RANBP17: variants seen among roughly 807,000 people sequenced by gnomAD.
RANBP17 encodes the protein ran-binding protein 17.
In RANBP17, 158 loss-of-function variants were observed where a neutral mutation model predicts 141.2. The observed-to-expected ratio is 1.12, with a 90% confidence interval of 0.98 to 1.28. The LOEUF (loss-of-function observed/expected upper bound fraction) is 1.28. Among genes scored for constraint, RANBP17 ranks in the 50% most tolerant of loss-of-function variants. The pLI is 0.00. For synonymous variants in RANBP17, 430 were observed against 450.0 expected, an observed-to-expected ratio of 0.96 and a Z score of 0.56; for missense variants, 1,438 against 1,290.7, an observed-to-expected ratio of 1.11 and a Z score of -1.75.
chr5:170,911,062 T>A lies in RANBP17; in HGVS notation c.688T>A (p.Phe230Ile). ...KLVLNCLNFDFIGSSADESAD... is the reference protein window; with the variant it reads ...KLVLNCLNFDIIGSSADESAD... ...GGTCCTTAACTGCCTTAACTTTGAC[T>A]TCATTGGCAGTTCAGCAGATGAATC... Residue 230 changes from phenylalanine to isoleucine, a missense_variant, in exon 7 of 28, where the codon TTC (phenylalanine) becomes ATC (isoleucine). By Grantham distance (21) the Phe-to-Ile change is conservative. Transcript: ENST00000523189. The A allele has an allele frequency of 6.2e-7, 1 of 1,612,120 alleles. No individual in the cohort carries two copies. The highest frequency in any genetic ancestry group is 8.5e-7 in the Non-Finnish European group (1 of 1,178,672).
chr5:171,240,991 G>C lies in RANBP17; in HGVS notation c.2486G>C (p.Gly829Ala), dbSNP rs754249105. 7.4e-6 allele frequency: 12 copies of C among 1,613,820 alleles called. No individual in the cohort carries two copies. Among genetic ancestry groups the C allele is most frequent in the Non-Finnish European group, 1.7e-6 (2 of 1,179,896 alleles). ...CAGATTTATCCAATGAAACTCAAGGGCATCTCCATCTGCTATTCAGCTCTC... is the reference window on the plus strand; with the variant it reads ...CAGATTTATCCAATGAAACTCAAGGCCATCTCCATCTGCTATTCAGCTCTC... ...KDQIYPMKLK[G>A]ISICYSALKS... The change falls in exon 23 of 28, where the codon GGC becomes GCC. Residue 829 changes from glycine to alanine, a missense_variant. By Grantham distance (60) the Gly-to-Ala change is moderately conservative. Transcript: ENST00000523189.
At chr5:171,283,602 C>G (rs1184920203) in intron 25 of RANBP17, among the ~76,000 whole-genome samples, 1 of 152,172 alleles carries the variant, frequency 6.6e-6, no homozygotes, top group Non-Finnish European at 1.5e-5. Context: ...TCTGAAGGGT[C>G]CCATGAATTG....
chr5:170,924,524 T>A lies in RANBP17; in HGVS notation c.1442T>A (p.Val481Glu), dbSNP rs377685670. Reference sequence around the variant, plus strand: ...AAACTTCTGCATCCATATTCTGGTGTAACTGTGGACATCACCATTCAGGAA... The same window carrying A: ...AAACTTCTGCATCCATATTCTGGTGAAACTGTGGACATCACCATTCAGGAA... Reference protein sequence around the residue: ...YQKLLHPYSGVTVDITIQEGR... With the variant: ...YQKLLHPYSGETVDITIQEGR... Residue 481 changes from valine to glutamate, a missense_variant, in exon 12 of 28, where the codon GTA becomes GAA. Transcript: ENST00000523189. The A allele has an allele frequency of 6.2e-7, 1 of 1,607,070 alleles. No homozygotes were observed. The highest frequency in any genetic ancestry group is 1.3e-5 in the African/African-American group (1 of 74,856).
intron 12 of RANBP17, among the ~76,000 whole-genome samples, chr5:170,937,975 A>G (rs1413047440): frequency 6.6e-6 from 1 of 152,138 alleles, no homozygotes; most frequent in Non-Finnish European, 1.5e-5. Flanking sequence ...CTGGGCTTAC[A>G]GTAAGTACGT....
chr5:171,050,535 C>T (rs1040008513), intron 14 of RANBP17, among the ~76,000 whole-genome samples: 3 of 152,038 alleles, frequency 2.0e-5, no homozygotes, highest in South Asian at 4.1e-4. Flanking sequence ...AGCAAAGCCC[C>T]GTCTCTACAA....
chr5:171,298,716 G>A, intron 27 of RANBP17, 46 bp from the exon 28 acceptor site: 3 of 1,475,912 alleles, frequency 2.0e-6, no homozygotes, highest in Non-Finnish European at 2.8e-6. Context: ...ATTCATGGAG[G>A]CTTTGCCTCA....
At chr5:171,134,418 A>G (rs1359351066) in intron 14 of RANBP17, among the ~76,000 whole-genome samples, 2 of 152,214 alleles carry the variant, frequency 1.3e-5, no homozygotes, top group Non-Finnish European at 2.9e-5. Context: ...AAATAATCAG[A>G]TTATATATGA....
chr5:171,118,434 A>G (rs897621247), intron 14 of RANBP17, among the ~76,000 whole-genome samples: 1 of 152,022 alleles, frequency 6.6e-6, no homozygotes, highest in African/African-American at 2.4e-5. Context: ...TTCTGTGAAG[A>G]ATGTCATTGG....
chr5:171,229,625 C>T (rs1764085896), intron 22 of RANBP17, among the ~76,000 whole-genome samples: 1 of 151,292 alleles, frequency 6.6e-6, no homozygotes, highest in Non-Finnish European at 1.5e-5. Context: ...AAACTCCTGA[C>T]CTCAAGTGAT....
intron 5 of RANBP17, chr5:170,904,342 C>CTATTTCACAGAAGCTGTGTTGT (rs1770903490): frequency 4.6e-6 from 1 of 219,748 alleles, no homozygotes; most frequent in East Asian, 1.2e-4. Flanking sequence ...TGGAAGAAAG[C>CTATTTCACAGAAGCTGTGTTGT]TATTTCACAG....
chr5:171,157,700 AG>A (rs1436211555), intron 14 of RANBP17, among the ~76,000 whole-genome samples: 11 of 152,210 alleles, frequency 7.2e-5, no homozygotes, highest in South Asian at 4.1e-4. Flanking sequence ...TTAACATTTG[AG>A]GGTTGAGCTA....
At chr5:170,915,046 G>A (rs921467) in intron 8 of RANBP17, among the ~76,000 whole-genome samples, 1 of 151,810 alleles carries the variant, frequency 6.6e-6, no homozygotes, top group Non-Finnish European at 1.5e-5. Flanking sequence ...AGAGTTTAAG[G>A]TAGTGCTTTT....
At chr5:171,247,344 C>T (rs1044653833) in intron 24 of RANBP17, among the ~76,000 whole-genome samples, 1 of 152,170 alleles carries the variant, frequency 6.6e-6, no homozygotes, top group Non-Finnish European at 1.5e-5. Flanking sequence ...AATTTGGGCC[C>T]TGTGTCATCA....
intron 13 of RANBP17, among the ~76,000 whole-genome samples, chr5:170,967,522 G>A (rs892225182): frequency 1.3e-5 from 2 of 151,366 alleles, no homozygotes; most frequent in Admixed American, 1.3e-4. Context: ...GATTTTTTTT[G>A]AGGTTCTGCA....
chr5:170,937,921 A>G (rs1292644198), intron 12 of RANBP17, among the ~76,000 whole-genome samples: 1 of 152,228 alleles, frequency 6.6e-6, no homozygotes, highest in Non-Finnish European at 1.5e-5. Flanking sequence ...AGTGTGGTCA[A>G]CTACATCCTC....
At chr5:171,274,566 T>C (rs1194590991) in intron 25 of RANBP17, among the ~76,000 whole-genome samples, 1 of 152,180 alleles carries the variant, frequency 6.6e-6, no homozygotes, top group East Asian at 1.9e-4. Flanking sequence ...AAAAATATAT[T>C]TGTTATTGAT....
intron 24 of RANBP17, among the ~76,000 whole-genome samples, chr5:171,257,405 A>G (rs1356006491): frequency 6.6e-6 from 1 of 152,216 alleles, no homozygotes; most frequent in Non-Finnish European, 1.5e-5. Flanking sequence ...TAGAAGGAAC[A>G]TACCTCAAAG....
At chr5:170,875,938 C>T (rs1376416289) in intron 1 of RANBP17, among the ~76,000 whole-genome samples, 2 of 152,130 alleles carry the variant, frequency 1.3e-5, no homozygotes, top group Non-Finnish European at 2.9e-5. Flanking sequence ...TGTGGGGACT[C>T]TTTTTGTTGA....
At chr5:171,073,843 T>G (rs935527772) in intron 14 of RANBP17, among the ~76,000 whole-genome samples, 78 of 151,982 alleles carry the variant, frequency 5.1e-4, no homozygotes, top group African/African-American at 1.8e-3. Flanking sequence ...GTACTTTTTT[T>G]TTTTTTTTAA....
Sources: gnomAD v4.1 joint callset for allele counts (sites outside exome capture counted in the v4.1 genomes callset) on GRCh38, gnomAD v4.1.1 for gene constraint, MANE v1.5 for transcripts, NCBI Gene and HGNC (gene_info 2026-07-23, HGNC 2026-07-21) for gene names.